The following SKI variants were observed in gnomAD, a reference collection of about 807,000 sequenced individuals.
SKI encodes the protein SKI proto-oncogene, also known as ski oncogene.
SKI carries 23 observed loss-of-function variants against 59.3 expected under a neutral mutation model. The observed-to-expected ratio is 0.39, with a 90% CI of 0.28 to 0.55. The LOEUF (loss-of-function observed/expected upper bound fraction) is 0.55, where lower values mean the gene tolerates loss of function less well. SKI is among the 20% of genes least tolerant of loss of function. The pLI, the probability that SKI is intolerant of heterozygous loss-of-function variation, is 0.67. For missense variants in SKI, 1,017 were observed against 1,038.9 expected (o/e 0.98, Z 0.29); for synonymous variants, 673 against 488.6 (o/e 1.38, Z -4.98).
chr1:2,230,977 G>A (rs1387248905), intron 1 of SKI, among the ~76,000 whole-genome samples: 2 of 151,986 alleles, frequency 1.3e-5, no homozygotes, highest in African/African-American at 2.4e-5. Context: ...GTGTGTGCAT[G>A]TGTGTGTTTG....
At chr1:2,239,629 C>T (rs1381597777) in intron 1 of SKI, among the ~76,000 whole-genome samples, 4 of 152,262 alleles carry the variant, frequency 2.6e-5, no homozygotes, top group African/African-American at 9.6e-5. Flanking sequence ...AGGGCCGGTC[C>T]TGGTGGCGGG....
Position 2,228,477 on chromosome 1 carries a change from C to A in SKI, c.-290C>A, listed in dbSNP as rs1251754932. On this transcript the variant is annotated 5_prime_UTR_variant, in exon 1 of 7. Coordinates refer to ENST00000378536, the MANE Select transcript of SKI (RefSeq NM_003036.4). ...TGCCCCGCGCCTAGAGCCCGGGGGG[C>A]GCGCGGGGGACGCGCGGGGGGCCCG... 7.1e-6 allele frequency among the ~76,000 whole-genome samples: 1 copy of A among 141,042 alleles called. No individual in the cohort carries two copies. Among genetic ancestry groups the A allele is most frequent in the Non-Finnish European group, 1.6e-5 (1 of 63,994 alleles). 92.5% of individuals were successfully genotyped at this position (141,042 alleles called of 152,430 possible). A position where few individuals can be genotyped will look rare whatever the true frequency, so the allele number is the denominator to read the frequency against.
At chr1:2,288,366 C>T (rs1640090361) in intron 1 of SKI, among the ~76,000 whole-genome samples, 1 of 152,246 alleles carries the variant, frequency 6.6e-6, no homozygotes, top group African/African-American at 2.4e-5. Flanking sequence ...AGGTGATCTA[C>T]CTGACTTGGT....
At chr1:2,235,237 T>C (rs1638728416) in intron 1 of SKI, among the ~76,000 whole-genome samples, 1 of 152,014 alleles carries the variant, frequency 6.6e-6, no homozygotes, top group Non-Finnish European at 1.5e-5. Flanking sequence ...AGAGATGGGG[T>C]TTCACCATGT....
intron 1 of SKI, among the ~76,000 whole-genome samples, chr1:2,280,648 A>C (rs1319053576): frequency 8.7e-4 from 102 of 116,588 alleles, no homozygotes; most frequent in Non-Finnish European, 9.3e-4. Flanking sequence ...CTTCAGAGAG[A>C]GGACACCCGA....
At chr1:2,275,723 A>G (rs954273702) in intron 1 of SKI, among the ~76,000 whole-genome samples, 1 of 152,192 alleles carries the variant, frequency 6.6e-6, no homozygotes, top group African/African-American at 2.4e-5. Context: ...CGTGTTAGCC[A>G]GGATGCTCTC....
chr1:2,272,136 A>C (rs1166955635), intron 1 of SKI, among the ~76,000 whole-genome samples: 2 of 152,058 alleles, frequency 1.3e-5, no homozygotes, highest in African/African-American at 4.8e-5. Flanking sequence ...CCCGATTTTT[A>C]TTGCTGTCTC....
intron 1 of SKI, among the ~76,000 whole-genome samples, chr1:2,273,013 G>A (rs1378521803): frequency 6.6e-6 from 1 of 152,238 alleles, no homozygotes; most frequent in East Asian, 1.9e-4. Context: ...TGGAAACACA[G>A]GCTGTACCCC....
Position 2,229,378 on chromosome 1 carries a change from C to T in SKI, c.612C>T (p.Ala204=), listed in dbSNP as rs2100790564. 1.2e-6 allele frequency: 2 copies of T among 1,602,388 alleles called. No homozygotes were observed. Among genetic ancestry groups the T allele is most frequent in the Non-Finnish European group, 1.7e-6 (2 of 1,174,730 alleles). The change falls in exon 1 of 7, where the codon GCC becomes GCT. Residue 204 remains alanine, a synonymous_variant. Coordinates refer to ENST00000378536, the MANE Select transcript of SKI (RefSeq NM_003036.4). The surrounding 1 kb of genome is among the most constrained non-coding windows in gnomAD (Gnocchi z 6.3). ...AYPPPCKKEL[A]ASLALGLELS... ...CGCCGCCCTGCAAGAAGGAGCTGGC[C>T]GCCAGCCTGGCGCTGGGCCTGGAGC...
intron 1 of SKI, among the ~76,000 whole-genome samples, chr1:2,292,363 G>A (rs147422954): frequency 0.023 from 3,518 of 152,274 alleles, 71 homozygotes; most frequent in Non-Finnish European, 0.038. Flanking sequence ...TAGGGTGACC[G>A]CAGTGGGCTG....
chr1:2,287,168 A>T (rs981026466), intron 1 of SKI, among the ~76,000 whole-genome samples: 9 of 151,956 alleles, frequency 5.9e-5, no homozygotes, highest in African/African-American at 1.9e-4. Flanking sequence ...CCCAGGGTGC[A>T]CCTGTGCTCT....
chr1:2,285,522 AAAC>A (rs994592962), intron 1 of SKI, among the ~76,000 whole-genome samples: 3 of 151,408 alleles, frequency 2.0e-5, no homozygotes, highest in Non-Finnish European at 4.4e-5. Flanking sequence ...TCTCAAAAAC[AAAC>A]AATAAACAAA....
At chr1:2,238,018 G>T (rs1295648453) in intron 1 of SKI, among the ~76,000 whole-genome samples, 1 of 152,300 alleles carries the variant, frequency 6.6e-6, no homozygotes, top group African/African-American at 2.4e-5. Flanking sequence ...GCTGTCAAGG[G>T]CTTCTCTGTG....
intron 1 of SKI, among the ~76,000 whole-genome samples, chr1:2,248,496 C>A (rs1639046983): frequency 6.6e-6 from 1 of 152,208 alleles, no homozygotes; most frequent in Non-Finnish European, 1.5e-5. Context: ...GGCCCCTGCG[C>A]CACTGGGGCA....
Position 2,229,346 on chromosome 1 carries a change from G to C in SKI, c.580G>C (p.Ala194Pro). 6.3e-7 allele frequency: 1 copy of C among 1,594,918 alleles called. No homozygotes were observed. The highest frequency in any genetic ancestry group is 8.5e-7 in the Non-Finnish European group (1 of 1,171,230). Residue 194 changes from alanine (A) to proline (P), a missense_variant, in exon 1 of 7, where the codon GCC becomes CCC. Coordinates refer to ENST00000378536, the MANE Select transcript of SKI (RefSeq NM_003036.4). This position sits in a 1 kb window ranked among gnomAD's most constrained non-coding sequence, Gnocchi z 6.3. ...RLCNALLYGG[A>P]YPPPCKKELA... Reference sequence around the variant, plus strand: ...GTGCAACGCGCTGCTCTACGGCGGCGCCTACCCGCCGCCCTGCAAGAAGGA... The same window carrying C: ...GTGCAACGCGCTGCTCTACGGCGGCCCCTACCCGCCGCCCTGCAAGAAGGA...
At chr1:2,296,176 C>T (rs867377665) in intron 1 of SKI, among the ~76,000 whole-genome samples, 2 of 148,926 alleles carry the variant, frequency 1.3e-5, no homozygotes, top group South Asian at 4.2e-4. Context: ...TTCAGGAGTT[C>T]AGGACCAGCC....
intron 1 of SKI, among the ~76,000 whole-genome samples, chr1:2,253,749 C>T (rs768315431): frequency 2.6e-5 from 4 of 152,328 alleles, no homozygotes; most frequent in African/African-American, 4.8e-5. Context: ...GCGGGTCCCT[C>T]GTGCCCTGGT....
chr1:2,232,065 C>T (rs753546400), intron 1 of SKI, among the ~76,000 whole-genome samples: 1 of 152,254 alleles, frequency 6.6e-6, no homozygotes, highest in Non-Finnish European at 1.5e-5. Context: ...CCTACTTGTC[C>T]TAGAAGGAGT....
intron 4 of SKI, 65 bp from the exon 5 acceptor site, chr1:2,304,228 G>A (rs1269112742): frequency 1.4e-5 from 21 of 1,553,626 alleles, no homozygotes; most frequent in Middle Eastern, 1.7e-4. Context: ...GGAGCGGCGC[G>A]TCTCCCTGGT....
Sources: gnomAD v4.1 joint callset for allele counts (sites outside exome capture counted in the v4.1 genomes callset) on GRCh38, gnomAD v4.1.1 for gene constraint, Gnocchi (gnomAD v3.1) non-coding constraint, MANE v1.5 for transcripts, NCBI Gene and HGNC (gene_info 2026-07-23, HGNC 2026-07-21) for gene names.